Variants in EIF4E3 observed in about 807,000 individuals in gnomAD.
EIF4E3 encodes the protein eukaryotic translation initiation factor 4E type 3.
A neutral mutation model predicts 31.7 loss-of-function variants in EIF4E3; 26 were observed. The observed-to-expected ratio is 0.82, with a 90% CI of 0.60 to 1.14. The LOEUF (loss-of-function observed/expected upper bound fraction) is 1.14. Among genes scored for constraint, EIF4E3 ranks in the 50% most tolerant of loss-of-function variants. The pLI is 0.00. For synonymous variants in EIF4E3, 128 were observed against 107.7 expected (o/e 1.19, Z -1.17); for missense variants, 304 against 270.9 (o/e 1.12, Z -0.86).
the EIF4E3 span, among the ~76,000 whole-genome samples, chr3:71,667,151 A>C: frequency 6.6e-6 from 1 of 152,208 alleles, no homozygotes; most frequent in Admixed American, 6.5e-5. Flanking sequence ...AATGACAAAA[A>C]CCACATGATT....
downstream of EIF4E3, among the ~76,000 whole-genome samples, chr3:71,671,053 C>G (rs1453530913): frequency 6.6e-6 from 1 of 152,078 alleles, no homozygotes; most frequent in African/African-American, 2.4e-5. Flanking sequence ...ACTCATCTAA[C>G]AGCTGAACCT....
At chr3:71,739,592 G>A (rs761068888) in intron 1 of EIF4E3, among the ~76,000 whole-genome samples, 6 of 152,126 alleles carry the variant, frequency 3.9e-5, no homozygotes, top group Non-Finnish European at 8.8e-5. Context: ...AGCTACTCAA[G>A]AGGCTGAGGT....
chr3:71,747,519 C>G (rs1005788859), intron 1 of EIF4E3, among the ~76,000 whole-genome samples: 15 of 152,130 alleles, frequency 9.9e-5, no homozygotes, highest in African/African-American at 2.7e-4. Flanking sequence ...GGATACAAGT[C>G]CCCCATCAGA....
rs540001256 is a variant in EIF4E3 at position 71,749,561 on chromosome 3, C to A, written c.-291+3902G>T. Among the ~76,000 whole-genome samples, 5 of 152,298 alleles carry A rather than the reference C, an allele frequency of 3.3e-5. No individual in the cohort carries two copies. In the East Asian group the frequency reaches 5.8e-4, roughly 18 times the overall value. The stretch of plus-strand genomic sequence containing the variant: ...AACAGGATACACTGGCCAGACTGGA[C>A]CTCATGATTAGGGAACCCATGACCT... On this transcript the variant is annotated intron_variant, in intron 1 of 7. Transcript: ENST00000295612.
chr3:71,718,234 G>T (rs1015666817), intron 1 of EIF4E3, among the ~76,000 whole-genome samples: 2 of 152,198 alleles, frequency 1.3e-5, no homozygotes, highest in Admixed American at 1.3e-4. Context: ...CATTAAAGAT[G>T]ATTTCATTTT....
At chr3:71,743,502 C>T (rs754550027) in intron 1 of EIF4E3, among the ~76,000 whole-genome samples, 1 of 152,262 alleles carries the variant, frequency 6.6e-6, no homozygotes, top group South Asian at 2.1e-4. Flanking sequence ...TGAAGAGATA[C>T]ACCTTTTTTG....
upstream of EIF4E3, chr3:71,754,270 C>T (rs771032625): frequency 3.3e-6 from 4 of 1,214,956 alleles, no homozygotes; most frequent in African/African-American, 6.4e-5. This position sits in a 1 kb window ranked among gnomAD's most constrained non-coding sequence, Gnocchi z 5.8. Flanking sequence ...TGCCTCCCGG[C>T]CGTCATGCTG....
rs1463261153 is a variant in EIF4E3, at chr3:71,677,879, G to C, written c.*6803C>G. On this transcript the variant is annotated 3_prime_UTR_variant, in exon 7 of 7. Transcript: ENST00000425534. ...AAATTGCAGCACAAAAGAGCAACGA[G>C]AGTAATTGACTTATTCTAAAACGGA... is the stretch of plus-strand genomic sequence containing the variant. 6.6e-6 allele frequency: 1 copy of C among 152,160 alleles called. No homozygotes were observed. Among genetic ancestry groups the C allele is most frequent in the African/African-American group, 2.4e-5 (1 of 41,428 alleles). 9.4% of individuals were successfully genotyped at this position (152,160 alleles called of 1,614,324 possible).
chr3:71,722,663 A>G (rs2049569793), intron 1 of EIF4E3, among the ~76,000 whole-genome samples: 1 of 152,228 alleles, frequency 6.6e-6, no homozygotes, highest in African/African-American at 2.4e-5. Context: ...ACTATTAAAA[A>G]TACTAATAAC....
At position 71,678,248 on chromosome 3, in the gene EIF4E3, T is replaced by C. The variant is rs1243696251; in HGVS notation, c.*6434A>G. The C allele has an allele frequency of 6.6e-6, 1 of 152,210 alleles. No homozygotes were observed. Among genetic ancestry groups the C allele is most frequent in the African/African-American group, 2.4e-5 (1 of 41,456 alleles). The allele number at this position is 152,210 out of a possible 1,614,324, so 9.4% of individuals were successfully genotyped here. ...GAGGATGAAAATGACATTTCTATAC[T>C]ATAAGAACCTCAATACAGAATGAGA... is the stretch of plus-strand genomic sequence containing the variant. On this transcript the variant is annotated 3_prime_UTR_variant, in exon 7 of 7. Transcript: ENST00000425534.
intron 2 of EIF4E3, among the ~76,000 whole-genome samples, chr3:71,704,477 G>A (rs977890657): frequency 2.6e-5 from 4 of 152,198 alleles, no homozygotes; most frequent in African/African-American, 7.2e-5. Flanking sequence ...TATTCTGGCC[G>A]GGAGGGCCTG....
intron 1 of EIF4E3, among the ~76,000 whole-genome samples, chr3:71,722,096 G>A (rs578093611): frequency 6.6e-6 from 1 of 150,932 alleles, no homozygotes; most frequent in Non-Finnish European, 1.5e-5. Flanking sequence ...TTTTCCTCGG[G>A]GGGGCGGGGG....
chr3:71,667,505 C>G, the EIF4E3 span, among the ~76,000 whole-genome samples: 1 of 152,150 alleles, frequency 6.6e-6, no homozygotes, highest in Non-Finnish European at 1.5e-5. Context: ...GAAAACCCCC[C>G]ATTGTCTCAG....
chr3:71,670,101 T>G, the EIF4E3 span, among the ~76,000 whole-genome samples: 1 of 152,220 alleles, frequency 6.6e-6, no homozygotes, highest in South Asian at 2.1e-4. Flanking sequence ...ACTAGTGACT[T>G]ACTTAATTAC....
At chr3:71,750,437 G>C (rs745845709) in intron 1 of EIF4E3, among the ~76,000 whole-genome samples, 10 of 152,130 alleles carry the variant, frequency 6.6e-5, no homozygotes, top group Non-Finnish European at 1.2e-4. Flanking sequence ...TTCTCTGTTT[G>C]TAAAATTCAA....
At chr3:71,733,902 G>A (rs959565891) in intron 1 of EIF4E3, among the ~76,000 whole-genome samples, 1 of 152,146 alleles carries the variant, frequency 6.6e-6, no homozygotes, top group Non-Finnish European at 1.5e-5. Flanking sequence ...ATAATTACAT[G>A]ACATTTTTAG....
At chr3:71,706,912 T>C (rs560001979) in intron 2 of EIF4E3, among the ~76,000 whole-genome samples, 2 of 152,296 alleles carry the variant, frequency 1.3e-5, no homozygotes, top group East Asian at 3.9e-4. Flanking sequence ...CAAGATAGTA[T>C]CCTGGCCAGT....
intron 1 of EIF4E3, among the ~76,000 whole-genome samples, chr3:71,750,765 G>GTTT (rs200014881): frequency 8.1e-6 from 1 of 123,772 alleles, no homozygotes. Flanking sequence ...ACAAATAATT[G>GTTT]GTTTTTTTTT....
chr3:71,754,622 C>G, upstream of EIF4E3: 4 of 1,462,604 alleles, frequency 2.7e-6, no homozygotes, highest in South Asian at 2.5e-5. The surrounding 1 kb of genome is among the most constrained non-coding windows in gnomAD (Gnocchi z 5.8). Context: ...TGCTGCTGGC[C>G]GTGGTGGTGG....
Sources: gnomAD v4.1 joint callset for allele counts (sites outside exome capture counted in the v4.1 genomes callset) on GRCh38, gnomAD v4.1.1 for gene constraint, Gnocchi (gnomAD v3.1) non-coding constraint, MANE v1.5 for transcripts, NCBI Gene and HGNC (gene_info 2026-07-23, HGNC 2026-07-21) for gene names.